Variants in PTPRG observed in about 807,000 individuals in gnomAD.
PTPRG encodes receptor-type tyrosine-protein phosphatase gamma.
A neutral mutation model predicts 165.3 loss-of-function variants in PTPRG; 102 were observed. The ratio of observed to expected loss-of-function variants is 0.62; its 90% CI spans 0.53 to 0.73. The LOEUF is 0.73. Ranked by LOEUF, PTPRG falls within the 30% of genes least tolerant of loss-of-function variation. The pLI, the probability that PTPRG is intolerant of heterozygous loss-of-function variation, is 0.00. For missense variants in PTPRG, 1,866 were observed against 1,861.4 expected, an observed-to-expected ratio of 1.00 and a Z score of -0.05; for synonymous variants, 675 against 669.5, an observed-to-expected ratio of 1.01 and a Z score of -0.13.
chr3:61,575,093 C>T (rs1385123663), intron 1 of PTPRG, among the ~76,000 whole-genome samples: 2 of 152,132 alleles, frequency 1.3e-5, no homozygotes, highest in Non-Finnish European at 2.9e-5. Flanking sequence ...ATAACTTTAG[C>T]GTTAGAGTTC....
intron 1 of PTPRG, among the ~76,000 whole-genome samples, chr3:61,678,161 A>G (rs180728084): frequency 1.3e-5 from 2 of 152,320 alleles, no homozygotes; most frequent in Admixed American, 1.3e-4. Context: ...AACCAAAGGC[A>G]TGCGTGTGGC....
rs997446462 is a variant in PTPRG, at chr3:61,832,928, C to T, written c.190+83946C>T. On this transcript the variant is annotated intron_variant, in intron 2 of 29. Coordinates refer to ENST00000474889, the MANE Select transcript of PTPRG (RefSeq NM_002841.4). ...ATGTCTTTGCATTCTCGTAGCTTGG[C>T]TCCCACTTATGAGTGAAAACATATG... Among the ~76,000 whole-genome samples, 4 of 152,196 alleles carry T rather than the reference C, an allele frequency of 2.6e-5. No homozygotes were observed. In the East Asian group the frequency reaches 5.8e-4, roughly 22 times the overall value.
Position 61,973,380 on chromosome 3 carries a change from CAT to C in PTPRG, c.191-16242_191-16241del, listed in dbSNP as rs1339204649. Among the ~76,000 whole-genome samples the C allele has an allele frequency of 8.5e-5, 13 of 152,308 alleles. 1 individual carries two copies. In the East Asian group the frequency reaches 2.5e-3, roughly 29 times the overall value. ...CATCAATATGGTAGATGGGAATTGA[CAT>C]ATGCTTGCATCATTCAGGGTTTAGT... On this transcript the variant is annotated intron_variant, in intron 2 of 29. Transcript: ENST00000474889.
intron 6 of PTPRG, among the ~76,000 whole-genome samples, chr3:62,155,688 A>T (rs528602225): frequency 6.6e-6 from 1 of 152,336 alleles, no homozygotes; most frequent in South Asian, 2.1e-4. Context: ...AATTTTAATT[A>T]TAATATAGTT....
chr3:61,885,890 A>T (rs2038022971), intron 2 of PTPRG, among the ~76,000 whole-genome samples: 1 of 149,824 alleles, frequency 6.7e-6, no homozygotes, highest in Non-Finnish European at 1.5e-5. Context: ...TTTAATACAG[A>T]GCTGGGGTAG....
chr3:61,572,278 T>G (rs1700074617), intron 1 of PTPRG, among the ~76,000 whole-genome samples: 1 of 152,306 alleles, frequency 6.6e-6, no homozygotes, highest in Middle Eastern at 3.4e-3. Context: ...AAACCTTATT[T>G]CTTCTGGAGA....
intron 4 of PTPRG, among the ~76,000 whole-genome samples, chr3:62,073,029 C>T (rs1407273658): frequency 6.6e-6 from 1 of 152,074 alleles, no homozygotes; most frequent in Non-Finnish European, 1.5e-5. Context: ...TGAAGGGTCT[C>T]CTACTGGGCA....
chr3:61,641,975 C>A (rs1220448448), intron 1 of PTPRG, among the ~76,000 whole-genome samples: 2 of 152,088 alleles, frequency 1.3e-5, no homozygotes, highest in African/African-American at 2.4e-5. Context: ...ATGGAGGGCA[C>A]CCCCCAGCCT....
intron 1 of PTPRG, among the ~76,000 whole-genome samples, chr3:61,686,061 C>T (rs1452520287): frequency 3.3e-5 from 5 of 152,136 alleles, no homozygotes; most frequent in East Asian, 1.9e-4. Context: ...ACTTGGTGCT[C>T]GTTACCTCAT....
chr3:61,815,568 G>T lies in PTPRG; in HGVS notation c.190+66586G>T, dbSNP rs72880461. Among the ~76,000 whole-genome samples the T allele has an allele frequency of 6.0e-3, 917 of 152,214 alleles. 8 individuals are homozygous for T. The highest frequency in any genetic ancestry group is 0.021 in the African/African-American group (884 of 41,532). On this transcript the variant is annotated intron_variant, in intron 2 of 29. Transcript: ENST00000474889. The stretch of plus-strand genomic sequence containing the variant: ...ATTTGATCTAATCAGAGAATACGAG[G>T]TTATATATTGACAAGATTGTAGGGA...
At chr3:62,032,218 C>A (rs1275597727) in intron 4 of PTPRG, among the ~76,000 whole-genome samples, 1 of 152,138 alleles carries the variant, frequency 6.6e-6, no homozygotes, top group Admixed American at 6.5e-5. Flanking sequence ...TCACAGGAGC[C>A]AGTGGGCACA....
Position 61,755,929 on chromosome 3 carries a change from G to A in PTPRG, c.190+6947G>A, listed in dbSNP as rs950695839. 2.0e-5 allele frequency among the ~76,000 whole-genome samples: 3 copies of A among 152,186 alleles called. No homozygotes were observed. In the East Asian group the frequency reaches 5.8e-4, roughly 29 times the overall value. On this transcript the variant is annotated intron_variant, in intron 2 of 29. Transcript: ENST00000474889. ...TTAAGACCACTGGTTGTAGGGTTAAGGACTGGGCAGTGGGAGGAAGAGGGC... is the reference window on the plus strand; with the variant it reads ...TTAAGACCACTGGTTGTAGGGTTAAAGACTGGGCAGTGGGAGGAAGAGGGC...
At chr3:61,892,956 A>G (rs1244058244) in intron 2 of PTPRG, among the ~76,000 whole-genome samples, 1 of 152,222 alleles carries the variant, frequency 6.6e-6, no homozygotes, top group Non-Finnish European at 1.5e-5. Context: ...TAATAACTAA[A>G]GAGTAGATAC....
In PTPRG at chr3:62,273,757, A is replaced by T; in HGVS notation, c.3378A>T (p.Glu1126Asp). The change falls in exon 23 of 30, where the codon GAA (glutamate) becomes GAT (aspartate). Residue 1126 changes from glutamate to aspartate, a missense_variant. Glu to Asp is a conservative substitution (Grantham distance 45). Around this residue, in one of 3 missense-constraint regions of PTPRG, gnomAD observed 1,452 missense variants for 1,463.0 expected, o/e 0.99. Transcript: ENST00000474889. The surrounding 1 kb of genome is among the most constrained non-coding windows in gnomAD (Gnocchi z 4.1). ...LLEAILGKET[E>D]VSSNQLHSYV... ...AAGCCATTCTTGGAAAGGAGACTGA[A>T]GTATCTTCAAATCAGCTGCACAGCT... 6.2e-7 allele frequency: 1 copy of T among 1,613,752 alleles called. No individual in the cohort carries two copies. Among genetic ancestry groups the T allele is most frequent in the Non-Finnish European group, 8.5e-7 (1 of 1,179,684 alleles).
chr3:61,612,971 C>T (rs768318625), intron 1 of PTPRG, among the ~76,000 whole-genome samples: 1 of 152,118 alleles, frequency 6.6e-6, no homozygotes, highest in Non-Finnish European at 1.5e-5. Flanking sequence ...CTCAATCTCT[C>T]CCTCCATTCC....
At chr3:61,886,829 C>A (rs1219197827) in intron 2 of PTPRG, among the ~76,000 whole-genome samples, 1 of 151,432 alleles carries the variant, frequency 6.6e-6, no homozygotes, top group Admixed American at 6.6e-5. Context: ...TGGGTGTAAA[C>A]AGTTGATTAC....
At chr3:62,253,742 T>C (rs1701474233) in intron 15 of PTPRG, among the ~76,000 whole-genome samples, 1 of 152,216 alleles carries the variant, frequency 6.6e-6, no homozygotes, top group Non-Finnish European at 1.5e-5. Flanking sequence ...AATGATTGCA[T>C]ATTCATGAAC....
At chr3:61,892,484 G>A (rs1559673507) in intron 2 of PTPRG, among the ~76,000 whole-genome samples, 1 of 152,212 alleles carries the variant, frequency 6.6e-6, no homozygotes. Context: ...CAAAGCGCTG[G>A]GATTACAGGC....
chr3:61,794,720 A>T (rs536412424), intron 2 of PTPRG, among the ~76,000 whole-genome samples: 2 of 152,314 alleles, frequency 1.3e-5, no homozygotes, highest in East Asian at 1.9e-4. Flanking sequence ...GAGTAAATTC[A>T]TCAGGTTATA....
Sources: gnomAD v4.1 joint callset for allele counts (sites outside exome capture counted in the v4.1 genomes callset) on GRCh38, gnomAD v4.1.1 for gene constraint, gnomAD v4.1.1 regional missense constraint, Gnocchi (gnomAD v3.1) non-coding constraint, MANE v1.5 for transcripts, NCBI Gene and HGNC (gene_info 2026-07-23, HGNC 2026-07-21) for gene names.